Variants in SWAP70 observed in about 807,000 individuals in gnomAD.
SWAP70 encodes switch-associated protein 70.
Under a neutral mutation model 80.2 loss-of-function variants are expected in SWAP70, and 34 were observed. The observed-to-expected ratio is 0.42, with a 90% confidence interval of 0.32 to 0.56. The LOEUF is 0.56. SWAP70 is among the 20% of genes least tolerant of loss of function. The probability of loss-of-function intolerance (pLI) is 0.09; values close to 1 mark genes in which losing one functional copy is unlikely to be tolerated. For synonymous variants in SWAP70, 239 were observed against 238.5 expected (o/e 1.00, Z -0.02); for missense variants, 578 against 690.7 (o/e 0.84, Z 1.83).
rs113701975 is a variant in SWAP70, at chr11:9,738,089, A to G, written c.1081-124A>G. 3.6e-3 allele frequency: 1,949 copies of G among 542,110 alleles called. 30 individuals are homozygous for G. The highest frequency in any genetic ancestry group is 0.034 in the African/African-American group (1,726 of 51,210). 33.6% of individuals were successfully genotyped at this position (542,110 alleles called of 1,614,324 possible). A position where few individuals can be genotyped will look rare whatever the true frequency, so the allele number is the denominator to read the frequency against. On this transcript the variant is annotated intron_variant, in intron 7 of 11. Transcript: ENST00000318950. ...TAATGGAGCTAAAAGTTTTTATTCT[A>G]TTATCTTTATTGAATGTTAAGAATG...
intron 6 of SWAP70, among the ~76,000 whole-genome samples, chr11:9,732,269 C>T (rs1008457129): frequency 2.0e-5 from 3 of 152,082 alleles, no homozygotes; most frequent in Non-Finnish European, 4.4e-5. Flanking sequence ...CGAGAAAGGA[C>T]TTTATAGATC....
At chr11:9,671,602 T>TGAAATATATTTA (rs1850396733) in intron 1 of SWAP70, among the ~76,000 whole-genome samples, 2 of 66,730 alleles carry the variant, frequency 3.0e-5, no homozygotes, top group Admixed American at 2.4e-4. Context: ...ATAAATATAT[T>TGAAATATATTTA]TATATAGAAA....
At chr11:9,720,686 C>A (rs1188781103) in intron 3 of SWAP70, among the ~76,000 whole-genome samples, 1 of 152,194 alleles carries the variant, frequency 6.6e-6, no homozygotes, top group African/African-American at 2.4e-5. Flanking sequence ...CTGGGCCCTT[C>A]TTTTTGCTGC....
intron 2 of SWAP70, among the ~76,000 whole-genome samples, chr11:9,698,850 A>G (rs1850795257): frequency 6.6e-6 from 1 of 152,184 alleles, no homozygotes; most frequent in Admixed American, 6.5e-5. Flanking sequence ...ATGTGTATAC[A>G]TTGTGGAATG....
At position 9,689,867 on chromosome 11, in the gene SWAP70, G is replaced by T. The variant is rs184300058; in HGVS notation, c.100-4279G>T. 2.9e-3 allele frequency among the ~76,000 whole-genome samples: 443 copies of T among 152,296 alleles called. 2 individuals carry two copies. The highest frequency in any genetic ancestry group is 0.01 in the African/African-American group (416 of 41,566). On this transcript the variant is annotated intron_variant, in intron 1 of 11. Coordinates refer to ENST00000318950, the MANE Select transcript of SWAP70 (RefSeq NM_015055.4). The stretch of plus-strand genomic sequence containing the variant: ...GTGCCTGTCATCTCTGTTGGGCCCT[G>T]TGGAGCTGATGGGGTGGGGCTGGGG...
At position 9,664,291 on chromosome 11, in the gene SWAP70, T is replaced by G; in HGVS notation, c.99+13T>G. On this transcript the variant is annotated intron_variant, in intron 1 of 11. Coordinates refer to ENST00000318950, the MANE Select transcript of SWAP70 (RefSeq NM_015055.4). Reference sequence around the variant, plus strand: ...GTCCCAGCTCAAGGTGGGCGCCTCCTGACCCGGCCCCCCACCCGACCCTCC... The same window carrying G: ...GTCCCAGCTCAAGGTGGGCGCCTCCGGACCCGGCCCCCCACCCGACCCTCC... 6.4e-7 allele frequency: 1 copy of G among 1,554,552 alleles called. No individual in the cohort carries two copies. Among genetic ancestry groups the G allele is most frequent in the Non-Finnish European group, 8.7e-7 (1 of 1,150,338 alleles).
chr11:9,725,652 A>T (rs527380334), intron 4 of SWAP70, among the ~76,000 whole-genome samples: 5 of 144,330 alleles, frequency 3.5e-5, no homozygotes, highest in Non-Finnish European at 6.0e-5. Context: ...GCTCACTGCA[A>T]CCTCCGCCTC....
At chr11:9,671,777 A>ATTATATATTTATAAAT (rs1565109923) in intron 1 of SWAP70, among the ~76,000 whole-genome samples, 1 of 11,632 alleles carries the variant, frequency 8.6e-5, no homozygotes, top group Non-Finnish European at 1.5e-3. Flanking sequence ...ATATAAATAT[A>ATTATATATTTATAAAT]ATATATTATT....
At chr11:9,678,218 A>G (rs1008157235) in intron 1 of SWAP70, among the ~76,000 whole-genome samples, 1 of 152,186 alleles carries the variant, frequency 6.6e-6, no homozygotes, top group Non-Finnish European at 1.5e-5. Flanking sequence ...AATTTTTAAA[A>G]TGGGGTTGGG....
In SWAP70 at chr11:9,664,096, T is replaced by G. The variant is rs989842514; in HGVS notation, c.-84T>G. 7.6e-7 allele frequency: 1 copy of G among 1,313,638 alleles called. No individual in the cohort carries two copies. The highest frequency in any genetic ancestry group is 1.5e-5 in the South Asian group (1 of 67,344). 81.4% of individuals were successfully genotyped at this position (1,313,638 alleles called of 1,614,324 possible). The stretch of plus-strand genomic sequence containing the variant: ...CGGGTCAGGTGACTGCGCGGCGGGC[T>G]GTGGCTGCGGAGGTTGAGGGGCGTC... On this transcript the variant is annotated 5_prime_UTR_variant, in exon 1 of 12. Coordinates refer to ENST00000318950, the MANE Select transcript of SWAP70 (RefSeq NM_015055.4).
At chr11:9,675,959 G>T (rs190455400) in intron 1 of SWAP70, among the ~76,000 whole-genome samples, 80 of 152,222 alleles carry the variant, frequency 5.3e-4, no homozygotes, top group Non-Finnish European at 9.4e-4. Context: ...ATGTTGATTT[G>T]GTGTTACTTG....
intron 3 of SWAP70, among the ~76,000 whole-genome samples, chr11:9,717,796 TAA>T (rs1342411668): frequency 6.6e-6 from 1 of 152,224 alleles, no homozygotes; most frequent in African/African-American, 2.4e-5. Flanking sequence ...TTTCCATCAC[TAA>T]AATATTTGGT....
chr11:9,696,777 G>A (rs10770056), intron 2 of SWAP70, among the ~76,000 whole-genome samples: 100,711 of 151,964 alleles, frequency 0.66, 33,701 homozygotes, highest in South Asian at 0.85. Context: ...TTATAACACC[G>A]AGCATGAAAT....
In SWAP70 at chr11:9,732,594, C is replaced by T. The variant is rs369193403; in HGVS notation, c.964C>T (p.Arg322Cys). 29 of 1,602,518 alleles carry T rather than the reference C, an allele frequency of 1.8e-5. No homozygotes were observed. Among genetic ancestry groups the T allele is most frequent in the African/African-American group, 6.7e-5 (5 of 74,462 alleles). The change falls in exon 7 of 12, where the codon CGT (arginine) becomes TGT (cysteine). Residue 322 changes from arginine (R) to cysteine (C), a missense_variant. Arg to Cys is a radical substitution (Grantham distance 180). Coordinates refer to ENST00000318950, the MANE Select transcript of SWAP70 (RefSeq NM_015055.4). ...TCCACCACACAAAGAAGCCCGCCAG[C>T]GTCGGAAAGAACTCCGGAAGAAGCA... Reference protein sequence around the residue: ...SPPPHKEARQRRKELRKKQLA... With the variant: ...SPPPHKEARQCRKELRKKQLA...
chr11:9,747,150 T>C (rs1477718075), intron 9 of SWAP70, among the ~76,000 whole-genome samples: 2 of 152,222 alleles, frequency 1.3e-5, no homozygotes, highest in African/African-American at 4.8e-5. Flanking sequence ...GTATTCCTGT[T>C]ATTTTGGAGT....
chr11:9,676,748 T>C (rs1455617626), intron 1 of SWAP70, among the ~76,000 whole-genome samples: 7 of 151,574 alleles, frequency 4.6e-5, no homozygotes, highest in African/African-American at 1.5e-4. Flanking sequence ...CTCCTGGGTT[T>C]ATGCCATTCT....
intron 1 of SWAP70, among the ~76,000 whole-genome samples, chr11:9,676,342 C>T (rs1850500145): frequency 6.6e-6 from 1 of 152,066 alleles, no homozygotes; most frequent in Non-Finnish European, 1.5e-5. Context: ...TTTTTTCCAC[C>T]ATTTTTCCCC....
At position 9,740,309 on chromosome 11, in the gene SWAP70, C is replaced by T. The variant is rs149041139; in HGVS notation, c.1317C>T (p.Ala439=). 156 of 1,614,024 alleles carry T rather than the reference C, an allele frequency of 9.7e-5. No individual in the cohort carries two copies. The highest frequency in any genetic ancestry group is 1.3e-4 in the Non-Finnish European group (148 of 1,180,024). Residue 439 remains alanine, a synonymous_variant, in exon 9 of 12, where the codon GCC becomes GCT. Transcript: ENST00000318950. ...LQEALEDERQ[A]RQDEETVRKL... ...AGGCTCTTGAAGATGAGAGACAGGC[C>T]CGGCAAGATGAAGAGACAGTGCGGA...
intron 2 of SWAP70, among the ~76,000 whole-genome samples, chr11:9,708,296 A>AATAACACTT (rs1463232484): frequency 6.6e-6 from 1 of 152,140 alleles, no homozygotes; most frequent in African/African-American, 2.4e-5. Context: ...ACATCCTAAC[A>AATAACACTT]ATAACACTTG....
Sources: gnomAD v4.1 joint callset for allele counts (sites outside exome capture counted in the v4.1 genomes callset) on GRCh38, gnomAD v4.1.1 for gene constraint, MANE v1.5 for transcripts, NCBI Gene and HGNC (gene_info 2026-07-23, HGNC 2026-07-21) for gene names.